Variants in FCRL2 observed in about 807,000 individuals in gnomAD.
FCRL2 encodes Fc receptor-like protein 2.
Under a neutral mutation model 59.8 loss-of-function variants are expected in FCRL2, and 48 were observed. The ratio of observed to expected loss-of-function variants is 0.80; its 90% confidence interval spans 0.64 to 1.02. FCRL2 has a LOEUF of 1.02. FCRL2 is among the 50% of genes least tolerant of loss of function. The pLI, the probability that FCRL2 is intolerant of heterozygous loss-of-function variation, is 0.00. For missense variants in FCRL2, 658 were observed against 597.3 expected (o/e 1.10, Z -1.06); for synonymous variants, 251 against 229.5 (o/e 1.09, Z -0.85).
At chr1:157,775,850 A>T (rs1650371014) in intron 1 of FCRL2, 55 bp from the exon 2 acceptor site, 1 of 1,582,250 alleles carries the variant, frequency 6.3e-7, no homozygotes, top group Admixed American at 1.8e-5. Flanking sequence ...CTCATAATTT[A>T]TAAATTTATA....
chr1:157,775,653 C>T, intron 2 of FCRL2, 122 bp downstream of exon 2: 1 of 1,058,628 alleles, frequency 9.4e-7, no homozygotes, highest in Non-Finnish European at 1.4e-6. Context: ...ACATGTCAGC[C>T]TAGAGGGCAG....
chr1:157,771,526 CCATT>C (rs1173098921), intron 2 of FCRL2, among the ~76,000 whole-genome samples: 1 of 152,158 alleles, frequency 6.6e-6, no homozygotes, highest in African/African-American at 2.4e-5. Context: ...TTTTTCTCAT[CCATT>C]CAGTGAAGTA....
At chr1:157,753,725 A>G (rs11264811) in intron 7 of FCRL2, among the ~76,000 whole-genome samples, 2,700 of 152,254 alleles carry the variant, frequency 0.018, 71 homozygotes, top group African/African-American at 0.061. Context: ...TCCAGGGGTG[A>G]GGCTTAAAGT....
chr1:157,768,739 G>A (rs1177408759), intron 4 of FCRL2, 38 bp from the exon 5 acceptor site: 1 of 1,542,018 alleles, frequency 6.5e-7, no homozygotes, highest in Admixed American at 2.0e-5. Flanking sequence ...AACTCTAAGG[G>A]AAACTCTGGG....
chr1:157,769,997 C>T lies in FCRL2; in HGVS notation c.464G>A (p.Gly155Asp). The T allele has an allele frequency of 1.2e-6, 2 of 1,614,176 alleles. No homozygotes were observed. Among genetic ancestry groups the T allele is most frequent in the Non-Finnish European group, 1.7e-6 (2 of 1,180,022 alleles). ...CTGGAGCTCCGGAGAGCTGCTCCAG[C>T]CTGACCCCAGGACCTGGTTTTCTCT... ...FFRENQVLGS[G>D]WSSSPELQIS... Residue 155 changes from glycine (G) to aspartate (D), a missense_variant, in exon 4 of 12, where the codon GGC becomes GAC. By Grantham distance (94) the Gly-to-Asp change is moderately conservative. Transcript: ENST00000361516.
chr1:157,768,679 G>A lies in FCRL2; in HGVS notation c.618C>T (p.Ser206=). Reference sequence around the variant, plus strand: ...GTCCCCCGGGGGCCCGGATCTCCAAGCTTACATTAGAGATGGGGATTCCTA... The same window carrying A: ...GTCCCCCGGGGGCCCGGATCTCCAAACTTACATTAGAGATGGGGATTCCTA... ...HVQRIPISNV[S]LEIRAPGGQV... is the part of the protein sequence containing the mutation. The change falls in exon 5 of 12, where the codon AGC becomes AGT. Residue 206 remains serine, a synonymous_variant. Coordinates refer to ENST00000361516, the MANE Select transcript of FCRL2 (RefSeq NM_030764.4). 1 of 1,612,366 alleles carries A rather than the reference G, an allele frequency of 6.2e-7. No homozygotes were observed. The highest frequency in any genetic ancestry group is 8.5e-7 in the Non-Finnish European group (1 of 1,179,006).
At chr1:157,762,230 G>T (rs751834064) in intron 7 of FCRL2, among the ~76,000 whole-genome samples, 1 of 152,168 alleles carries the variant, frequency 6.6e-6, no homozygotes, top group Non-Finnish European at 1.5e-5. Context: ...TGCACCATCT[G>T]CAGGTCTGGA....
At chr1:157,763,297 A>C (rs902131840) in intron 7 of FCRL2, among the ~76,000 whole-genome samples, 2 of 150,694 alleles carry the variant, frequency 1.3e-5, no homozygotes, top group African/African-American at 4.9e-5. Flanking sequence ...CCGGGGCAGG[A>C]GGGTCATTTG....
intron 7 of FCRL2, among the ~76,000 whole-genome samples, chr1:157,751,406 G>T (rs1557853808): frequency 6.6e-6 from 1 of 152,322 alleles, no homozygotes; most frequent in Admixed American, 6.5e-5. Context: ...TCTAAGAAAA[G>T]GGAGATGAGG....
chr1:157,773,323 C>T (rs1650168924), intron 2 of FCRL2, among the ~76,000 whole-genome samples: 4 of 152,174 alleles, frequency 2.6e-5, no homozygotes, highest in Admixed American at 2.0e-4. Flanking sequence ...TTATGGACCA[C>T]TCAGTGAGCC....
chr1:157,772,564 G>A (rs565788672), intron 2 of FCRL2, among the ~76,000 whole-genome samples: 37 of 152,228 alleles, frequency 2.4e-4, no homozygotes, highest in South Asian at 1.5e-3. Flanking sequence ...GAGAGTCATC[G>A]TCACCACCAG....
rs746674451 is a variant in FCRL2, at chr1:157,770,129, A to G, written c.332T>C (p.Leu111Pro). 8.7e-6 allele frequency: 14 copies of G among 1,614,012 alleles called. No individual in the cohort carries two copies. In the South Asian group the frequency reaches 1.4e-4, roughly 16 times the overall value. The change falls in exon 4 of 12, where the codon CTG becomes CCG. Residue 111 changes from leucine to proline, a missense_variant. Coordinates refer to ENST00000361516, the MANE Select transcript of FCRL2 (RefSeq NM_030764.4). ...KVQELFQRPV[L>P]TASSFQPIEG... ...GATGGGCTGGAAGGAGCTGGCAGTC[A>G]GCACAGGACGTTGAAAGAGCTCTAG...
At position 157,769,855 on chromosome 1, in the gene FCRL2, C is replaced by T. The variant is rs902859474; in HGVS notation, c.595+11G>A. ...CTTTTTTTCTCCAGGCTCAGCCTCA[C>T]TGATACTTGCTCTGCACGTGAATCT... is the stretch of plus-strand genomic sequence containing the variant. On this transcript the variant is annotated intron_variant, in intron 4 of 11. Coordinates refer to ENST00000361516, the MANE Select transcript of FCRL2 (RefSeq NM_030764.4). 1.2e-6 allele frequency: 2 copies of T among 1,611,108 alleles called. No homozygotes were observed. Among genetic ancestry groups the T allele is most frequent in the African/African-American group, 2.7e-5 (2 of 74,792 alleles).
chr1:157,746,753 A>G lies in FCRL2; in HGVS notation c.1510T>C (p.Ser504Pro). Residue 504 changes from serine to proline, a missense_variant, in exon 12 of 12, where the codon TCT becomes CCT. Ser to Pro is a moderately conservative substitution (Grantham distance 74). Transcript: ENST00000361516. ...TCCAAGTGTTATGATTTCTTCACAG[A>G]AGAGTAGATGACTTGGGAGTCCTGG... ...ENKDSQVIYS[S>P]VKKS 2 of 1,613,950 alleles carry G rather than the reference A, an allele frequency of 1.2e-6. No homozygotes were observed. Among genetic ancestry groups the G allele is most frequent in the East Asian group, 4.5e-5 (2 of 44,874 alleles).
intron 7 of FCRL2, among the ~76,000 whole-genome samples, chr1:157,754,402 G>T (rs59463970): frequency 0.018 from 2,701 of 152,244 alleles, 70 homozygotes; most frequent in African/African-American, 0.061. Flanking sequence ...GGGGAGGCAT[G>T]AATAATCCAC....
chr1:157,775,861 T>C (rs982606328), intron 1 of FCRL2, 66 bp from the exon 2 acceptor site: 21 of 1,557,292 alleles, frequency 1.3e-5, no homozygotes, highest in Middle Eastern at 1.7e-4. Flanking sequence ...TAAATTTATA[T>C]TACTCTGGTA....
At chr1:157,761,547 T>C (rs1649103925) in intron 7 of FCRL2, among the ~76,000 whole-genome samples, 1 of 152,164 alleles carries the variant, frequency 6.6e-6, no homozygotes, top group Non-Finnish European at 1.5e-5. Context: ...AGATCAAGAC[T>C]GCAGTGAGCC....
intron 7 of FCRL2, among the ~76,000 whole-genome samples, chr1:157,751,374 G>T (rs1484061035): frequency 6.6e-6 from 1 of 152,178 alleles, no homozygotes; most frequent in Non-Finnish European, 1.5e-5. Flanking sequence ...ATTTACAATT[G>T]CAAGTTTTCT....
In FCRL2 at chr1:157,766,860, A is replaced by G. The variant is rs1649532219; in HGVS notation, c.1274T>C (p.Ile425Thr). Residue 425 changes from isoleucine to threonine, a missense_variant, in exon 7 of 12, where the codon ATA (isoleucine) becomes ACA (threonine). By Grantham distance (89) the Ile-to-Thr change is moderately conservative. Transcript: ENST00000361516. ...ALLLYALFHK[I>T]SGESSATNEP... Reference sequence around the variant, plus strand: ...ATCCAAATGGTAGATACAACCTGATATCTTGTGGAACAAGGCATACAACAG... The same window carrying G: ...ATCCAAATGGTAGATACAACCTGATGTCTTGTGGAACAAGGCATACAACAG... The G allele has an allele frequency of 2.5e-6, 4 of 1,614,212 alleles. No individual in the cohort carries two copies. Among genetic ancestry groups the G allele is most frequent in the Non-Finnish European group, 3.4e-6 (4 of 1,180,036 alleles).
Sources: allele counts gnomAD v4.1 joint callset (sites outside exome capture counted in the v4.1 genomes callset), GRCh38; gene constraint gnomAD v4.1.1; transcripts MANE v1.5; gene names NCBI Gene and HGNC (gene_info 2026-07-23, HGNC 2026-07-21).